The following ASCC3 variants were observed in gnomAD, a reference collection of about 807,000 sequenced individuals.
ASCC3 encodes activating signal cointegrator 1 complex subunit 3.
In ASCC3, 158 loss-of-function variants were observed where a neutral mutation model predicts 256.3. The observed-to-expected ratio is 0.62, with a 90% CI of 0.54 to 0.70. The LOEUF is 0.70. Ranked by LOEUF, ASCC3 falls within the 30% of genes least tolerant of loss-of-function variation. ASCC3 has a pLI of 0.00. For missense variants in ASCC3, 2,259 were observed against 2,626.0 expected (o/e 0.86, Z 3.05); for synonymous variants, 948 against 883.4 (o/e 1.07, Z -1.30).
chr6:100,675,059 TTCTA>T (rs1414487900), intron 14 of ASCC3, among the ~76,000 whole-genome samples: 2 of 152,042 alleles, frequency 1.3e-5, no homozygotes, highest in Non-Finnish European at 2.9e-5. Context: ...AAAGTTTTTA[TTCTA>T]TATGAGGTTA....
intron 29 of ASCC3, among the ~76,000 whole-genome samples, chr6:100,627,384 G>C (rs1774294529): frequency 6.6e-6 from 1 of 151,958 alleles, no homozygotes; most frequent in Non-Finnish European, 1.5e-5. Context: ...CAACTACAAA[G>C]TCATTACCAT....
At chr6:100,733,422 A>G (rs1780002224) in intron 10 of ASCC3, among the ~76,000 whole-genome samples, 3 of 152,026 alleles carry the variant, frequency 2.0e-5, no homozygotes, top group Admixed American at 2.0e-4. Context: ...TTTTCACTCT[A>G]TTAGTTCCCA....
chr6:100,636,680 T>C (rs1247799045), intron 25 of ASCC3, among the ~76,000 whole-genome samples: 1 of 152,184 alleles, frequency 6.6e-6, no homozygotes, highest in African/African-American at 2.4e-5. Flanking sequence ...AAGGACAAGT[T>C]CTTGAAGGAA....
rs1450534673 is a variant in ASCC3, at chr6:100,647,208, T to C, written c.3478+18A>G. ...TTGCACAAAACAATACATTCAAACA[T>C]ATTTGCTTCCTTCTTACCTATTTCA... On this transcript the variant is annotated intron_variant, in intron 21 of 41. Transcript: ENST00000369162. 2 of 1,571,906 alleles carry C rather than the reference T, an allele frequency of 1.3e-6. No individual in the cohort carries two copies. The highest frequency in any genetic ancestry group is 3.3e-5 in the Admixed American group (2 of 59,920).
chr6:100,548,762 G>GA (rs1266687949), intron 36 of ASCC3, among the ~76,000 whole-genome samples: 1 of 151,846 alleles, frequency 6.6e-6, no homozygotes, highest in Non-Finnish European at 1.5e-5. Context: ...TTAACTAGGT[G>GA]AAAAGAGAAG....
intron 37 of ASCC3, among the ~76,000 whole-genome samples, chr6:100,522,463 C>T (rs1582382934): frequency 1.3e-5 from 2 of 152,158 alleles, no homozygotes; most frequent in South Asian, 4.2e-4. Context: ...AAGTGAGGTG[C>T]TACTATGAAG....
chr6:100,688,929 C>A (rs115798531), intron 13 of ASCC3, among the ~76,000 whole-genome samples: 2,177 of 152,216 alleles, frequency 0.014, 43 homozygotes, highest in African/African-American at 0.05. Context: ...TCAAAGATGA[C>A]AAAGTACTTG....
intron 34 of ASCC3, among the ~76,000 whole-genome samples, chr6:100,595,283 C>T (rs894187857): frequency 3.2e-4 from 49 of 152,004 alleles, no homozygotes; most frequent in South Asian, 2.1e-4. Context: ...ACAATGTACA[C>T]GTTTTGAAAC....
intron 10 of ASCC3, among the ~76,000 whole-genome samples, chr6:100,745,568 C>T (rs1426003310): frequency 6.6e-6 from 1 of 151,732 alleles, no homozygotes; most frequent in African/African-American, 2.4e-5. Flanking sequence ...TCCCTCTGCT[C>T]CTGTTCTGTA....
intron 22 of ASCC3, among the ~76,000 whole-genome samples, chr6:100,645,336 A>G (rs1388356753): frequency 6.6e-6 from 1 of 151,850 alleles, no homozygotes; most frequent in Non-Finnish European, 1.5e-5. Flanking sequence ...TCCCAATGAA[A>G]ATTCTGTAAA....
intron 10 of ASCC3, among the ~76,000 whole-genome samples, chr6:100,764,721 C>T (rs1168873067): frequency 6.6e-6 from 1 of 151,728 alleles, no homozygotes; most frequent in African/African-American, 2.4e-5. Flanking sequence ...ACTCTGTCAC[C>T]CAGTCCTCCC....
At chr6:100,748,312 T>C (rs1449331336) in intron 10 of ASCC3, among the ~76,000 whole-genome samples, 4 of 151,670 alleles carry the variant, frequency 2.6e-5, no homozygotes. Flanking sequence ...TATAGTAAGT[T>C]AGGGGGAGAA....
At chr6:100,653,532 G>C (rs959184002) in intron 17 of ASCC3, among the ~76,000 whole-genome samples, 1 of 151,744 alleles carries the variant, frequency 6.6e-6, no homozygotes, top group African/African-American at 2.4e-5. Flanking sequence ...CAGCTACTCA[G>C]GCGGCTGAGG....
At chr6:100,875,971 G>A (rs1376291022) in intron 1 of ASCC3, among the ~76,000 whole-genome samples, 1 of 152,150 alleles carries the variant, frequency 6.6e-6, no homozygotes, top group Non-Finnish European at 1.5e-5. Flanking sequence ...TGGTTTAAGA[G>A]TTTCTGAAAA....
intron 8 of ASCC3, among the ~76,000 whole-genome samples, chr6:100,769,246 G>T (rs1050992491): frequency 6.6e-6 from 1 of 151,986 alleles, no homozygotes; most frequent in African/African-American, 2.4e-5. Context: ...CATGGGGAAA[G>T]GTTGGTCAAT....
intron 17 of ASCC3, among the ~76,000 whole-genome samples, chr6:100,655,158 T>A (rs192363441): frequency 1.3e-5 from 2 of 152,012 alleles, no homozygotes; most frequent in East Asian, 3.9e-4. Context: ...GACCACACAA[T>A]TGTGAAGTTC....
chr6:100,568,816 C>T (rs1174037517), intron 36 of ASCC3, among the ~76,000 whole-genome samples: 1 of 150,404 alleles, frequency 6.6e-6, no homozygotes, highest in Admixed American at 6.6e-5. Flanking sequence ...CTCCCTCTGT[C>T]GCCCAGGCTG....
intron 3 of ASCC3, among the ~76,000 whole-genome samples, chr6:100,854,810 GCAT>G (rs1281831422): frequency 6.6e-5 from 10 of 152,146 alleles, no homozygotes; most frequent in Admixed American, 1.3e-4. Flanking sequence ...ATCATTTTGA[GCAT>G]CACTAAGGAA....
At chr6:100,722,680 CAT>C (rs1021349390) in intron 11 of ASCC3, among the ~76,000 whole-genome samples, 72 of 151,838 alleles carry the variant, frequency 4.7e-4, no homozygotes, top group Admixed American at 8.6e-4. Context: ...ATATACTGCA[CAT>C]GTTTTTCTTA....
Sources: allele counts gnomAD v4.1 joint callset (sites outside exome capture counted in the v4.1 genomes callset), GRCh38; gene constraint gnomAD v4.1.1; transcripts MANE v1.5; gene names NCBI Gene and HGNC (gene_info 2026-07-23, HGNC 2026-07-21).